The following KCNIP1 variants were observed in gnomAD, a reference collection of about 807,000 sequenced individuals.
KCNIP1 encodes potassium voltage-gated channel interacting protein 1.
In KCNIP1, 18 loss-of-function variants were observed where a neutral mutation model predicts 33.0. The observed-to-expected ratio is 0.55, with a 90% CI of 0.38 to 0.81. The LOEUF (loss-of-function observed/expected upper bound fraction) is 0.81, where lower values mean the gene tolerates loss of function less well. KCNIP1 is among the 30% of genes least tolerant of loss of function. KCNIP1 has a pLI of 0.00. For missense variants in KCNIP1, 238 were observed against 271.6 expected, an observed-to-expected ratio of 0.88 and a Z score of 0.87; for synonymous variants, 93 against 98.3, an observed-to-expected ratio of 0.95 and a Z score of 0.32.
At chr5:170,646,297 A>T (rs1325773713) in intron 1 of KCNIP1, among the ~76,000 whole-genome samples, 2 of 152,212 alleles carry the variant, frequency 1.3e-5, no homozygotes, top group Non-Finnish European at 2.9e-5. Context: ...AGAAAAGAAA[A>T]CTACAGACTA....
intron 1 of KCNIP1, among the ~76,000 whole-genome samples, chr5:170,366,622 G>A (rs190236519): frequency 8.1e-4 from 124 of 152,394 alleles, no homozygotes; most frequent in Non-Finnish European, 6.5e-4. Flanking sequence ...ACATGGCACA[G>A]TGACCAGCGT....
intron 1 of KCNIP1, among the ~76,000 whole-genome samples, chr5:170,382,174 C>T (rs965343747): frequency 6.6e-6 from 1 of 152,200 alleles, no homozygotes; most frequent in Non-Finnish European, 1.5e-5. Flanking sequence ...CACCTGTAGG[C>T]TCCATCTTCC....
At chr5:170,652,498 A>AAGGAAGGAAGGAAGG (rs1554107876) in intron 1 of KCNIP1, among the ~76,000 whole-genome samples, 1 of 103,056 alleles carries the variant, frequency 9.7e-6, no homozygotes, top group African/African-American at 4.3e-5. Flanking sequence ...AAAAAAAAAA[A>AAGGAAGGAAGGAAGG]AAGGAAGGAA....
intron 5 of KCNIP1, among the ~76,000 whole-genome samples, chr5:170,727,287 T>C (rs1383814784): frequency 6.6e-6 from 1 of 152,260 alleles, no homozygotes; most frequent in Admixed American, 6.5e-5. Context: ...GATCTGTGGT[T>C]GCCTGGTGTC....
At chr5:170,364,537 T>A (rs1763604094) in intron 1 of KCNIP1, among the ~76,000 whole-genome samples, 1 of 152,232 alleles carries the variant, frequency 6.6e-6, no homozygotes, top group African/African-American at 2.4e-5. Flanking sequence ...CAGACTCCTC[T>A]CAGTGGCCTG....
At chr5:170,519,059 G>A (rs1239888219) in intron 1 of KCNIP1, among the ~76,000 whole-genome samples, 1 of 152,210 alleles carries the variant, frequency 6.6e-6, no homozygotes, top group Non-Finnish European at 1.5e-5. Context: ...TTCTTTGTGT[G>A]TGGAAAAGGA....
intron 1 of KCNIP1, among the ~76,000 whole-genome samples, chr5:170,511,208 C>T (rs547567557): frequency 1.3e-5 from 2 of 151,944 alleles, no homozygotes; most frequent in East Asian, 3.9e-4. Context: ...GACTCCGTCT[C>T]AAAAAAAATA....
intron 1 of KCNIP1, among the ~76,000 whole-genome samples, chr5:170,708,514 A>G (rs774373497): frequency 2.0e-5 from 3 of 152,212 alleles, no homozygotes; most frequent in African/African-American, 7.2e-5. Flanking sequence ...ACAACTTCCT[A>G]CAAGTGTTGA....
At chr5:170,530,372 A>C (rs1755744009) in intron 1 of KCNIP1, among the ~76,000 whole-genome samples, 1 of 152,178 alleles carries the variant, frequency 6.6e-6, no homozygotes, top group African/African-American at 2.4e-5. Flanking sequence ...TCCCAGTAAT[A>C]CTATGATGCT....
At chr5:170,540,386 C>A (rs1348698734) in intron 1 of KCNIP1, among the ~76,000 whole-genome samples, 4 of 152,220 alleles carry the variant, frequency 2.6e-5, no homozygotes, top group Non-Finnish European at 5.9e-5. Context: ...GCCCAGCATA[C>A]TTACAGCCCT....
chr5:170,590,176 G>A (rs1281285256), intron 1 of KCNIP1, among the ~76,000 whole-genome samples: 1 of 152,176 alleles, frequency 6.6e-6, no homozygotes, highest in Admixed American at 6.5e-5. Flanking sequence ...TGAAGGTAAA[G>A]AAGAGGTAGT....
intron 1 of KCNIP1, among the ~76,000 whole-genome samples, chr5:170,617,950 C>T (rs1324346613): frequency 2.6e-5 from 4 of 152,158 alleles, no homozygotes; most frequent in Admixed American, 1.3e-4. Flanking sequence ...AGATATAAAA[C>T]AGTTGTCTTA....
intron 1 of KCNIP1, among the ~76,000 whole-genome samples, chr5:170,604,574 A>G (rs895757856): frequency 2.6e-5 from 4 of 152,172 alleles, no homozygotes; most frequent in Non-Finnish European, 2.9e-5. Flanking sequence ...GTATGCATAA[A>G]TGTGGGCCAT....
chr5:170,393,685 C>T (rs574278051), intron 1 of KCNIP1, among the ~76,000 whole-genome samples: 10 of 152,144 alleles, frequency 6.6e-5, no homozygotes, highest in East Asian at 1.9e-4. Flanking sequence ...AAGTAAATGC[C>T]GATATTACAA....
At chr5:170,515,706 A>G (rs1426857697) in intron 1 of KCNIP1, among the ~76,000 whole-genome samples, 2 of 152,350 alleles carry the variant, frequency 1.3e-5, no homozygotes, top group East Asian at 3.9e-4. Flanking sequence ...AAAAGCCAGG[A>G]TTCGAACCCA....
At chr5:170,541,050 G>A (rs1025712209) in intron 1 of KCNIP1, among the ~76,000 whole-genome samples, 2 of 152,212 alleles carry the variant, frequency 1.3e-5, no homozygotes, top group African/African-American at 4.8e-5. Context: ...AGATCTCACA[G>A]TTTCCAAACT....
intron 1 of KCNIP1, among the ~76,000 whole-genome samples, chr5:170,459,957 T>C (rs1279290526): frequency 6.6e-6 from 1 of 151,906 alleles, no homozygotes; most frequent in African/African-American, 2.4e-5. Context: ...TTAACCAAGA[T>C]AGGAAGAGAG....
chr5:170,552,598 G>A (rs1756689237), intron 1 of KCNIP1, among the ~76,000 whole-genome samples: 1 of 152,180 alleles, frequency 6.6e-6, no homozygotes, highest in East Asian at 1.9e-4. Flanking sequence ...ACCAGTCAGG[G>A]AGAAGGGGAG....
intron 1 of KCNIP1, among the ~76,000 whole-genome samples, chr5:170,530,147 C>T (rs1383490357): frequency 1.3e-5 from 2 of 152,208 alleles, no homozygotes; most frequent in African/African-American, 4.8e-5. Flanking sequence ...ACCTAGTACA[C>T]TGCCTGGCAC....
Sources: allele counts gnomAD v4.1 joint callset (sites outside exome capture counted in the v4.1 genomes callset), GRCh38; gene constraint gnomAD v4.1.1; transcripts MANE v1.5; gene names NCBI Gene and HGNC (gene_info 2026-07-23, HGNC 2026-07-21).